PRSS27: variants seen among roughly 807,000 people sequenced by gnomAD.
The protein encoded by PRSS27 is serine protease 27, also known as channel-activating protease 2.
PRSS27 carries 25 observed loss-of-function variants against 32.0 expected under a neutral mutation model. That is an observed-to-expected ratio of 0.78 (90% CI 0.57 to 1.09). PRSS27 has a LOEUF of 1.09. Among genes scored for constraint, PRSS27 ranks in the 50% least tolerant of loss-of-function variants. The pLI is 0.00. For synonymous variants in PRSS27, 178 were observed against 172.2 expected (o/e 1.03, Z -0.26); for missense variants, 401 against 394.9 (o/e 1.02, Z -0.13).
At position 2,712,568 on chromosome 16, in the gene PRSS27, C is replaced by T. The variant is rs1388658130; in HGVS notation, c.*52G>A. 8.1e-6 allele frequency: 12 copies of T among 1,483,774 alleles called. No homozygotes were observed. Among genetic ancestry groups the T allele is most frequent in the East Asian group, 5.0e-5 (2 of 40,094 alleles). The allele number at this position is 1,483,774 out of a possible 1,614,324, so 91.9% of individuals were successfully genotyped here. ...GGGAGGACCAGCAGGATGGTGTGGG[C>T]GGGCAGGCTGGGTGCAGAGCTCTGC... On this transcript the variant is annotated 3_prime_UTR_variant, in exon 6 of 6. Transcript: ENST00000302641. This position sits in a 1 kb window ranked among gnomAD's most constrained non-coding sequence, Gnocchi z 4.6.
chr16:2,714,454 T>A lies in PRSS27; in HGVS notation c.237-118A>T, dbSNP rs911981945. The A allele has an allele frequency of 8.7e-7, 1 of 1,155,758 alleles. No individual in the cohort carries two copies. Among genetic ancestry groups the A allele is most frequent in the East Asian group, 2.5e-5 (1 of 39,498 alleles). 71.6% of individuals were successfully genotyped at this position (1,155,758 alleles called of 1,614,324 possible). On this transcript the variant is annotated intron_variant, in intron 3 of 5. Transcript: ENST00000302641. This position sits in a 1 kb window ranked among gnomAD's most constrained non-coding sequence, Gnocchi z 4.7. ...CCACACCTCTCTCTGCACAATGTCT[T>A]CGAGAGTCATCTCTAGGACAGCCAG...
chr16:2,716,571 G>A, intron 1 of PRSS27, 45 bp from the exon 2 acceptor site: 1 of 1,573,224 alleles, frequency 6.4e-7, no homozygotes, highest in Non-Finnish European at 8.6e-7. Flanking sequence ...CTGCAGCCTG[G>A]CCTGCCCTCC....
At position 2,714,954 on chromosome 16, in the gene PRSS27, C is replaced by T. The variant is rs2067691883; in HGVS notation, c.237-618G>A. 1 of 153,882 alleles carries T rather than the reference C, an allele frequency of 6.5e-6. No individual in the cohort carries two copies. 9.5% of individuals were successfully genotyped at this position (153,882 alleles called of 1,614,324 possible). On this transcript the variant is annotated intron_variant, in intron 3 of 5. Coordinates refer to ENST00000302641, the MANE Select transcript of PRSS27 (RefSeq NM_031948.5). This position sits in a 1 kb window ranked among gnomAD's most constrained non-coding sequence, Gnocchi z 4.7. ...AATTTTTTTTTATTTTTAGTAGAGACAGGGTCTTGCTGTGTTGCCCGGGCT... is the reference window on the plus strand; with the variant it reads ...AATTTTTTTTTATTTTTAGTAGAGATAGGGTCTTGCTGTGTTGCCCGGGCT...
intron 5 of PRSS27, 27 bp downstream of exon 5, chr16:2,713,502 T>A (rs1300462843): frequency 6.2e-7 from 1 of 1,612,820 alleles, no homozygotes. Flanking sequence ...GGGGACTGAG[T>A]CCCCATGGAC....
chr16:2,719,563 C>T (rs1489977315), intron 1 of PRSS27, among the ~76,000 whole-genome samples: 2 of 152,122 alleles, frequency 1.3e-5, no homozygotes, highest in East Asian at 1.9e-4. Flanking sequence ...GGCACGGTGG[C>T]GCATCACCGG....
At chr16:2,718,067 T>C in intron 1 of PRSS27, 1 of 152,350 alleles carries the variant, frequency 6.6e-6, no homozygotes, top group Non-Finnish European at 1.5e-5. Context: ...CTTCCAAGCC[T>C]GAGGATCCTG....
intron 5 of PRSS27, 30 bp downstream of exon 5, chr16:2,713,499 G>A (rs752332397): frequency 6.2e-7 from 1 of 1,603,578 alleles, no homozygotes; most frequent in Non-Finnish European, 8.5e-7. Context: ...GGTGGGGACT[G>A]AGTCCCCATG....
At position 2,712,794 on chromosome 16, in the gene PRSS27, C is replaced by A; in HGVS notation, c.699G>T (p.Leu233=). 6.3e-7 allele frequency: 1 copy of A among 1,574,816 alleles called. No homozygotes were observed. Among genetic ancestry groups the A allele is most frequent in the Non-Finnish European group, 8.6e-7 (1 of 1,157,742 alleles). ...DACKGDSGGP[L]VCLVGQSWLQ... ...GCCACGACTGACCCACGAGGCACAC[C>A]AGGGGGCCGCCCGAGTCGCCCTGCG... is the stretch of plus-strand genomic sequence containing the variant. Residue 233 remains leucine (L), a synonymous_variant, in exon 6 of 6, where the codon CTG becomes CTT. Coordinates refer to ENST00000302641, the MANE Select transcript of PRSS27 (RefSeq NM_031948.5). The surrounding 1 kb of genome is among the most constrained non-coding windows in gnomAD (Gnocchi z 4.6).
chr16:2,713,934 C>A, intron 4 of PRSS27, 131 bp downstream of exon 4: 1 of 1,141,532 alleles, frequency 8.8e-7, no homozygotes, highest in Admixed American at 2.2e-5. Context: ...CTCGGCCCCA[C>A]CTGTGTGAAC....
chr16:2,719,706 C>G (rs2067723438), intron 1 of PRSS27, among the ~76,000 whole-genome samples: 1 of 152,202 alleles, frequency 6.6e-6, no homozygotes, highest in Non-Finnish European at 1.5e-5. Flanking sequence ...CCCTCCCACC[C>G]CGAGTATGAT....
rs141111264 is a variant in PRSS27, at chr16:2,717,894, T to C, written c.47-1368A>G. On this transcript the variant is annotated intron_variant, in intron 1 of 5. Coordinates refer to ENST00000302641, the MANE Select transcript of PRSS27 (RefSeq NM_031948.5). This position sits in a 1 kb window ranked among gnomAD's most constrained non-coding sequence, Gnocchi z 4.1. The stretch of plus-strand genomic sequence containing the variant: ...GGGCAGGAGGAGGAGGTGGAGAAGG[T>C]GCAGGGCAGGCAAAGGGGTGCCCTG... The C allele has an allele frequency of 0.03, 4,527 of 152,274 alleles. 110 individuals carry two copies. Among genetic ancestry groups the C allele is most frequent in the Middle Eastern group, 0.068 (20 of 294 alleles). The allele number at this position is 152,274 out of a possible 1,614,324, so 9.4% of individuals were successfully genotyped here.
At chr16:2,713,442 C>T (rs2067678387) in intron 5 of PRSS27, 87 bp downstream of exon 5, 1 of 1,361,784 alleles carries the variant, frequency 7.3e-7, no homozygotes, top group Non-Finnish European at 1.1e-6. Flanking sequence ...TGGTTGAATG[C>T]ATAGCCCATG....
At position 2,712,776 on chromosome 16, in the gene PRSS27, C is replaced by T. The variant is rs754659126; in HGVS notation, c.717G>A (p.Gln239=). ...TGATCACCCCCGCCTGCAGCCACGA[C>T]TGACCCACGAGGCACACCAGGGGGC... ...SGGPLVCLVG[Q]SWLQAGVISW... Residue 239 remains glutamine, a synonymous_variant, in exon 6 of 6, where the codon CAG becomes CAA. Transcript: ENST00000302641. The surrounding 1 kb of genome is among the most constrained non-coding windows in gnomAD (Gnocchi z 4.6). 2 of 1,588,338 alleles carry T rather than the reference C, an allele frequency of 1.3e-6. No individual in the cohort carries two copies. The highest frequency in any genetic ancestry group is 1.7e-6 in the Non-Finnish European group (2 of 1,165,712).
chr16:2,718,964 G>A (rs924871476), intron 1 of PRSS27, among the ~76,000 whole-genome samples: 2 of 152,162 alleles, frequency 1.3e-5, no homozygotes, highest in African/African-American at 4.8e-5. Flanking sequence ...GGGTGCCGGG[G>A]GTGTCAGGAG....
Position 2,717,548 on chromosome 16 carries a change from G to A in PRSS27, c.47-1022C>T, listed in dbSNP as rs1470672222. 1 of 152,418 alleles carries A rather than the reference G, an allele frequency of 6.6e-6. No individual in the cohort carries two copies. The highest frequency in any genetic ancestry group is 1.5e-5 in the Non-Finnish European group (1 of 68,270). 9.4% of individuals were successfully genotyped at this position (152,418 alleles called of 1,614,324 possible). A position where few individuals can be genotyped will look rare whatever the true frequency, so the allele number is the denominator to read the frequency against. ...GGCAAGATTCGCCCGTAGCTGGGGAGGGGTTAGAACAGCCACCTCCCCACA... is the reference window on the plus strand; with the variant it reads ...GGCAAGATTCGCCCGTAGCTGGGGAAGGGTTAGAACAGCCACCTCCCCACA... On this transcript the variant is annotated intron_variant, in intron 1 of 5. Transcript: ENST00000302641. The surrounding 1 kb of genome is among the most constrained non-coding windows in gnomAD (Gnocchi z 4.1).
chr16:2,718,960 C>T (rs919420928), intron 1 of PRSS27, among the ~76,000 whole-genome samples: 2 of 151,772 alleles, frequency 1.3e-5, no homozygotes, highest in African/African-American at 4.8e-5. Flanking sequence ...CCAGGGGTGC[C>T]GGGGGTGTCA....
Position 2,714,216 on chromosome 16 carries a change from C to T in PRSS27, c.357G>A (p.Thr119=), listed in dbSNP as rs750827030. The T allele has an allele frequency of 1.2e-5, 19 of 1,613,774 alleles. No homozygotes were observed. Among genetic ancestry groups the T allele is most frequent in the African/African-American group, 4.0e-5 (3 of 74,936 alleles). The stretch of plus-strand genomic sequence containing the variant: ...CCAGGGCCACGTCAGCGCTGGAGGC[C>T]GTGCCCTGGTACAGGGGGTTGCTCT... ...QVESNPLYQG[T]ASSADVALVE... is the part of the protein sequence containing the mutation. Residue 119 remains threonine, a synonymous_variant, in exon 4 of 6, where the codon ACG becomes ACA. Transcript: ENST00000302641. The surrounding 1 kb of genome is among the most constrained non-coding windows in gnomAD (Gnocchi z 4.7).
chr16:2,713,702 G>T lies in PRSS27; in HGVS notation c.509-4C>A. 6.2e-7 allele frequency: 1 copy of T among 1,614,094 alleles called. No homozygotes were observed. The highest frequency in any genetic ancestry group is 8.5e-7 in the Non-Finnish European group (1 of 1,179,972). The stretch of plus-strand genomic sequence containing the variant: ...ATCCGCGGTTCGGGCAGGAGGTCTG[G>T]AGAGGGGCGGAACAGCCCAGGGCTC... On this transcript the variant is annotated splice_region_variant and splice_polypyrimidine_tract_variant and intron_variant, in intron 4 of 5. Transcript: ENST00000302641.
chr16:2,715,908 G>C, intron 2 of PRSS27, 28 bp from the exon 3 acceptor site: 1 of 1,526,694 alleles, frequency 6.6e-7, no homozygotes, highest in Non-Finnish European at 8.8e-7. Context: ...GCGGGTGGGG[G>C]CGCTCACTGG....
Sources: gnomAD v4.1 joint callset for allele counts (sites outside exome capture counted in the v4.1 genomes callset) on GRCh38, gnomAD v4.1.1 for gene constraint, Gnocchi (gnomAD v3.1) non-coding constraint, MANE v1.5 for transcripts, NCBI Gene and HGNC (gene_info 2026-07-23, HGNC 2026-07-21) for gene names.